Variants in ZC4H2 observed in about 807,000 individuals in gnomAD.
The protein encoded by ZC4H2 is zinc finger C4H2 domain-containing protein.
For synonymous variants in ZC4H2, 84 were observed against 66.3 expected (o/e 1.27, Z -1.30); for missense variants, 137 against 173.9 (o/e 0.79, Z 1.19).
chrX:64,931,350 T>C (rs1228342979), intron 1 of ZC4H2, among the ~76,000 whole-genome samples: 2 of 111,892 alleles, frequency 1.8e-5, no homozygotes, highest in Non-Finnish European at 3.8e-5. Context: ...TCCAGTTTCA[T>C]TGAGTTTTGC....
At chrX:64,970,122 G>A (rs1931726788) in intron 1 of ZC4H2, among the ~76,000 whole-genome samples, 1 of 111,875 alleles carries the variant, frequency 8.9e-6, no homozygotes, top group South Asian at 3.7e-4. Context: ...GAACACAAAG[G>A]AGCTAGTTTT....
chrX:64,918,804 C>T lies in ZC4H2; in HGVS notation c.561+238G>A, dbSNP rs1035416675. 5.3e-5 allele frequency: 16 copies of T among 299,538 alleles called. No individual in the cohort carries two copies. In the South Asian group the frequency reaches 1.4e-3, roughly 25 times the overall value. 24.7% of individuals were successfully genotyped at this position (299,538 alleles called of 1,213,427 possible). On this transcript the variant is annotated intron_variant, in intron 4 of 4. Transcript: ENST00000374839. ...CATTTCTAACTTTTAGAATTGCACTCTAGCAGGGCCTGAAAATCTCCCTGC... is the reference window on the plus strand; with the variant it reads ...CATTTCTAACTTTTAGAATTGCACTTTAGCAGGGCCTGAAAATCTCCCTGC...
At chrX:64,984,747 CTGA>C (rs1475932481) in intron 1 of ZC4H2, among the ~76,000 whole-genome samples, 2 of 111,984 alleles carry the variant, frequency 1.8e-5, no homozygotes, top group East Asian at 5.6e-4. Flanking sequence ...CAAAACAGGC[CTGA>C]TCCCCAAGCA....
chrX:64,963,564 G>GA (rs199782941), intron 1 of ZC4H2, among the ~76,000 whole-genome samples: 9,250 of 111,179 alleles, frequency 0.083, 1,032 homozygotes, highest in African/African-American at 0.29. Flanking sequence ...TAAAATATAA[G>GA]AAATCCTACA....
intron 1 of ZC4H2, among the ~76,000 whole-genome samples, chrX:65,022,990 A>T (rs1243306682): frequency 9.0e-6 from 1 of 111,415 alleles, no homozygotes; most frequent in East Asian, 2.8e-4. Context: ...GCTATTTCTG[A>T]GGCTTCTGTT....
chrX:64,929,263 G>A (rs753769977), intron 1 of ZC4H2, among the ~76,000 whole-genome samples: 4 of 110,647 alleles, frequency 3.6e-5, no homozygotes, highest in Non-Finnish European at 7.6e-5. Flanking sequence ...GTAGATTCTG[G>A]GTATTAGTCC....
At chrX:64,995,392 G>A (rs921990458) in intron 1 of ZC4H2, among the ~76,000 whole-genome samples, 4 of 111,554 alleles carry the variant, frequency 3.6e-5, no homozygotes, top group African/African-American at 9.8e-5. Context: ...GTTGAGATGG[G>A]GTCTCACTCT....
At chrX:65,006,971 G>A (rs1360132058) in intron 1 of ZC4H2, among the ~76,000 whole-genome samples, 1 of 111,734 alleles carries the variant, frequency 8.9e-6, no homozygotes, top group African/African-American at 3.3e-5. Flanking sequence ...AATTTCCATA[G>A]TTGTTTAGTA....
rs772253645 is a variant in ZC4H2 at position 64,999,978 on chromosome X, C to G, written c.-272+34651G>C. Among the ~76,000 whole-genome samples, 20 of 112,201 alleles carry G rather than the reference C, an allele frequency of 1.8e-4. No individual in the cohort carries two copies. The East Asian group carries it at 5.6e-3, about 32-fold the overall frequency. On this transcript the variant is annotated intron_variant, in intron 1 of 4. Transcript: ENST00000337990. ...AGATAAAACCCCCATCTCCCTGGGA[C>G]AGAGCACCTGGGGGAAGGGGCGGTT... is the stretch of plus-strand genomic sequence containing the variant.
chrX:64,976,768 C>A (rs1306490063), upstream of ZC4H2, among the ~76,000 whole-genome samples: 1 of 111,528 alleles, frequency 9.0e-6, no homozygotes, highest in East Asian at 2.8e-4. Flanking sequence ...CATTCGCTCC[C>A]TTCGGGGGCC....
chrX:64,942,187 G>A (rs747406663), intron 1 of ZC4H2, among the ~76,000 whole-genome samples: 3 of 111,501 alleles, frequency 2.7e-5, no homozygotes, highest in Non-Finnish European at 5.7e-5. Context: ...GCATAAAGGT[G>A]TTTTTAGTAT....
chrX:64,992,084 C>T (rs1932320056), intron 1 of ZC4H2, among the ~76,000 whole-genome samples: 1 of 111,412 alleles, frequency 9.0e-6, no homozygotes, highest in Admixed American at 9.6e-5. Context: ...ATTAGATAGT[C>T]ATGATGGTTC....
chrX:64,951,434 C>T (rs1340751687), intron 1 of ZC4H2, among the ~76,000 whole-genome samples: 1 of 111,733 alleles, frequency 8.9e-6, no homozygotes, highest in Non-Finnish European at 1.9e-5. Flanking sequence ...AAAAGTGTTC[C>T]TATTTCTCCA....
chrX:64,989,327 G>A (rs1014716780), intron 1 of ZC4H2, among the ~76,000 whole-genome samples: 1 of 111,715 alleles, frequency 9.0e-6, no homozygotes, highest in Non-Finnish European at 1.9e-5. Context: ...CCATTTTCAC[G>A]ATATTGATTC....
At chrX:64,962,215 G>A (rs1931421163) in intron 1 of ZC4H2, among the ~76,000 whole-genome samples, 1 of 111,347 alleles carries the variant, frequency 9.0e-6, no homozygotes. Context: ...CATACAACAC[G>A]GCCAGTGGAA....
intron 1 of ZC4H2, among the ~76,000 whole-genome samples, chrX:64,953,208 C>T (rs1382717403): frequency 8.9e-6 from 1 of 111,866 alleles, no homozygotes; most frequent in African/African-American, 3.3e-5. Context: ...GACCTAAAAC[C>T]ATAAAAACCT....
intron 1 of ZC4H2, among the ~76,000 whole-genome samples, chrX:64,999,862 A>AT (rs1932500904): frequency 8.9e-6 from 1 of 112,182 alleles, no homozygotes; most frequent in Non-Finnish European, 1.9e-5. Context: ...CAGCTTGACA[A>AT]AGCCTCCGTA....
intron 1 of ZC4H2, among the ~76,000 whole-genome samples, chrX:65,012,224 C>CAAAAAAAAAAAAAAAAAAAA (rs10606871): frequency 1.2e-4 from 3 of 25,300 alleles, no homozygotes; most frequent in African/African-American, 1.9e-4. Flanking sequence ...GACCCCGTCT[C>CAAAAAAAAAAAAAAAAAAAA]AAAAAAAAAA....
chrX:65,026,505 C>T (rs1159536562), intron 1 of ZC4H2, among the ~76,000 whole-genome samples: 2 of 110,564 alleles, frequency 1.8e-5, no homozygotes, highest in African/African-American at 3.3e-5. Flanking sequence ...GGCAGGAGAT[C>T]GAGACCACCC....
Sources: allele counts gnomAD v4.1 joint callset (sites outside exome capture counted in the v4.1 genomes callset), GRCh38; gene constraint gnomAD v4.1.1; transcripts MANE v1.5; gene names NCBI Gene and HGNC (gene_info 2026-07-23, HGNC 2026-07-21).